The following EXT1 variants were observed in gnomAD, a reference collection of about 807,000 sequenced individuals.
The protein encoded by EXT1 is exostosin glycosyltransferase 1.
A neutral mutation model predicts 82.5 loss-of-function variants in EXT1; 20 were observed. The observed-to-expected ratio is 0.24, with a 90% CI of 0.17 to 0.35. EXT1 has a LOEUF of 0.35. EXT1 is among the 10% of genes least tolerant of loss of function. The pLI is 1.00. For synonymous variants in EXT1, 348 were observed against 350.8 expected (o/e 0.99, Z 0.09); for missense variants, 757 against 936.5 (o/e 0.81, Z 2.50).
chr8:118,049,948 T>C (rs1816690763), intron 1 of EXT1, among the ~76,000 whole-genome samples: 1 of 152,162 alleles, frequency 6.6e-6, no homozygotes, highest in African/African-American at 2.4e-5. Context: ...TGCTCTGTGT[T>C]ACTCTCATGG....
intron 1 of EXT1, among the ~76,000 whole-genome samples, chr8:117,967,907 G>C (rs994409054): frequency 6.6e-6 from 1 of 152,294 alleles, no homozygotes; most frequent in Non-Finnish European, 1.5e-5. Context: ...TGTACATGAG[G>C]ACTATAGTTA....
At chr8:117,938,345 C>T (rs952623905) in intron 1 of EXT1, among the ~76,000 whole-genome samples, 7 of 152,100 alleles carry the variant, frequency 4.6e-5, no homozygotes, top group African/African-American at 1.4e-4. Context: ...ACCTGTAATC[C>T]CAGCTACTCA....
chr8:118,049,146 T>C (rs1175477212), intron 1 of EXT1, among the ~76,000 whole-genome samples: 2 of 152,232 alleles, frequency 1.3e-5, no homozygotes, highest in Admixed American at 1.3e-4. Context: ...ATTTTTTCTT[T>C]ATATATATTT....
intron 10 of EXT1, among the ~76,000 whole-genome samples, chr8:117,800,745 C>T (rs532296200): frequency 1.1e-4 from 16 of 152,182 alleles, no homozygotes; most frequent in Non-Finnish European, 1.8e-4. Flanking sequence ...GATTAACTCT[C>T]GACAAATAGA....
chr8:118,048,999 T>C (rs1466496664), intron 1 of EXT1, among the ~76,000 whole-genome samples: 1 of 152,172 alleles, frequency 6.6e-6, no homozygotes, highest in Admixed American at 6.6e-5. Flanking sequence ...AAAGCTCTGA[T>C]ACCCACTCCC....
chr8:117,806,554 T>G (rs558616723), intron 9 of EXT1, among the ~76,000 whole-genome samples: 2 of 152,304 alleles, frequency 1.3e-5, no homozygotes, highest in Admixed American at 1.3e-4. Context: ...CCAGTCACAG[T>G]GGTCTCCTCG....
At chr8:118,024,606 A>G (rs1459933491) in intron 1 of EXT1, among the ~76,000 whole-genome samples, 1 of 152,230 alleles carries the variant, frequency 6.6e-6, no homozygotes, top group Non-Finnish European at 1.5e-5. Flanking sequence ...TATTTAAATA[A>G]TCACACAAAT....
intron 10 of EXT1, among the ~76,000 whole-genome samples, chr8:117,802,418 C>T (rs1823182699): frequency 2.0e-5 from 3 of 152,050 alleles, no homozygotes. Flanking sequence ...GACTATTGTC[C>T]CATATACTGT....
intron 1 of EXT1, among the ~76,000 whole-genome samples, chr8:117,926,095 G>A (rs912664352): frequency 3.9e-5 from 6 of 152,168 alleles, no homozygotes; most frequent in Admixed American, 6.5e-5. Flanking sequence ...TCTGCTAGCC[G>A]CTAGCATGGT....
intron 4 of EXT1, among the ~76,000 whole-genome samples, chr8:117,824,853 CTTTT>C (rs775491045): frequency 6.6e-6 from 1 of 151,524 alleles, no homozygotes; most frequent in South Asian, 2.1e-4. Flanking sequence ...TCTTCTTTTT[CTTTT>C]TTTGTTTTTG....
At chr8:117,901,949 T>C (rs17504170) in intron 1 of EXT1, among the ~76,000 whole-genome samples, 7,595 of 152,210 alleles carry the variant, frequency 0.05, 634 homozygotes, top group African/African-American at 0.17. Flanking sequence ...CCACCTGCTT[T>C]GGCCTCTCAA....
chr8:117,840,409 T>C (rs1416316058), intron 1 of EXT1, among the ~76,000 whole-genome samples: 1 of 152,024 alleles, frequency 6.6e-6, no homozygotes, highest in Non-Finnish European at 1.5e-5. Flanking sequence ...TGTCAGGAGA[T>C]TGAAACCAGT....
intron 1 of EXT1, among the ~76,000 whole-genome samples, chr8:117,956,451 T>TA (rs1032387882): frequency 1.0e-4 from 15 of 149,382 alleles, no homozygotes; most frequent in South Asian, 6.4e-4. Context: ...TCTTAAACTC[T>TA]AAAAAAAAAA....
intron 1 of EXT1, among the ~76,000 whole-genome samples, chr8:118,034,017 A>G (rs2129885349): frequency 6.6e-6 from 1 of 152,334 alleles, no homozygotes; most frequent in East Asian, 1.9e-4. Flanking sequence ...AATACAAATA[A>G]TAAGGCAGAA....
chr8:118,029,195 G>A (rs553373808), intron 1 of EXT1, among the ~76,000 whole-genome samples: 11 of 152,236 alleles, frequency 7.2e-5, no homozygotes, highest in East Asian at 3.9e-4. Context: ...TTGGGAGGCC[G>A]TGGCGGGAGG....
chr8:118,101,822 G>C (rs1033575939), intron 1 of EXT1, among the ~76,000 whole-genome samples: 1 of 152,206 alleles, frequency 6.6e-6, no homozygotes, highest in African/African-American at 2.4e-5. Flanking sequence ...CTATAGCCCA[G>C]AATGGGATTG....
At chr8:118,045,621 A>G (rs1252911513) in intron 1 of EXT1, among the ~76,000 whole-genome samples, 1 of 151,918 alleles carries the variant, frequency 6.6e-6, no homozygotes, top group Non-Finnish European at 1.5e-5. Context: ...TATGTCATCC[A>G]TCGTGAATGT....
intron 3 of EXT1, among the ~76,000 whole-genome samples, chr8:117,830,561 T>G (rs1477799791): frequency 6.6e-6 from 1 of 152,202 alleles, no homozygotes; most frequent in Non-Finnish European, 1.5e-5. Flanking sequence ...CAATGGCCTT[T>G]GATGTATGAA....
At chr8:118,084,851 T>G (rs1329086723) in intron 1 of EXT1, among the ~76,000 whole-genome samples, 2 of 152,218 alleles carry the variant, frequency 1.3e-5, no homozygotes, top group Non-Finnish European at 2.9e-5. Context: ...CCTAATGTAC[T>G]CAAAGAGCTT....
Sources: gnomAD v4.1 joint callset for allele counts (sites outside exome capture counted in the v4.1 genomes callset) on GRCh38, gnomAD v4.1.1 for gene constraint, MANE v1.5 for transcripts, NCBI Gene and HGNC (gene_info 2026-07-23, HGNC 2026-07-21) for gene names.